Variants in TTLL8 observed in about 807,000 individuals in gnomAD.
TTLL8 encodes tubulin tyrosine ligase like 8.
A neutral mutation model predicts 77.8 loss-of-function variants in TTLL8; 65 were observed. The ratio of observed to expected loss-of-function variants is 0.84; its 90% CI spans 0.68 to 1.03. The LOEUF is 1.03. Among genes scored for constraint, TTLL8 ranks in the 50% least tolerant of loss-of-function variants. TTLL8 has a pLI of 0.00. For synonymous variants in TTLL8, 402 were observed against 422.8 expected (o/e 0.95, Z 0.60); for missense variants, 910 against 1,004.5 (o/e 0.91, Z 1.27).
At position 50,041,881 on chromosome 22, in the gene TTLL8, T is replaced by C; in HGVS notation, c.644-74A>G. 2 of 1,247,126 alleles carry C rather than the reference T, an allele frequency of 1.6e-6. No homozygotes were observed. Among genetic ancestry groups the C allele is most frequent in the East Asian group, 5.6e-5 (1 of 17,954 alleles). The allele number at this position is 1,247,126 out of a possible 1,614,324, so 77.3% of individuals were successfully genotyped here. A position where few individuals can be genotyped will look rare whatever the true frequency, so the allele number is the denominator to read the frequency against. On this transcript the variant is annotated intron_variant, in intron 6 of 13. Coordinates refer to ENST00000266182, the Ensembl canonical transcript of TTLL8. The surrounding 1 kb of genome is among the most constrained non-coding windows in gnomAD (Gnocchi z 4.3). ...GCCCTGCCCGCCTCGAGGGGTGATGTCTAAAGTCATGGACAAAGGCTGCTC... is the reference window on the plus strand; with the variant it reads ...GCCCTGCCCGCCTCGAGGGGTGATGCCTAAAGTCATGGACAAAGGCTGCTC...
At chr22:50,029,618 C>A (rs1326285731) in intron 12 of TTLL8, among the ~76,000 whole-genome samples, 2 of 152,196 alleles carry the variant, frequency 1.3e-5, no homozygotes, top group African/African-American at 2.4e-5. Flanking sequence ...GTGGTCCCAG[C>A]TACTCGGGAG....
At chr22:50,057,365 T>C (rs2061478799), upstream of TTLL8, among the ~76,000 whole-genome samples, 1 of 69,582 alleles carries the variant, frequency 1.4e-5, no homozygotes, top group African/African-American at 8.1e-5. Context: ...GAGTCAGGTC[T>C]GGGTTGGGGG....
At chr22:50,028,650 TCACACCATCCTAAAGACCCCCACACAC>T in intron 12 of TTLL8, among the ~76,000 whole-genome samples, 1 of 45,350 alleles carries the variant, frequency 2.2e-5, no homozygotes, top group African/African-American at 6.5e-5. Context: ...AAAGACCCCA[TCACACCATCCTAAAGACCCCCACACAC>T]ACTCGTAAAG....
At chr22:50,038,147 A>G (rs1323650328) in intron 8 of TTLL8, among the ~76,000 whole-genome samples, 1 of 152,230 alleles carries the variant, frequency 6.6e-6, no homozygotes, top group Non-Finnish European at 1.5e-5. Context: ...TTGTGTTTTT[A>G]GAATTTCGTT....
chr22:50,043,290 G>A (rs2061384601), intron 6 of TTLL8, among the ~76,000 whole-genome samples: 1 of 151,542 alleles, frequency 6.6e-6, no homozygotes, highest in South Asian at 2.1e-4. Flanking sequence ...TGGATAGATA[G>A]ATAAACAGTG....
At chr22:50,025,301 C>T (rs1358414550) in intron 12 of TTLL8, among the ~76,000 whole-genome samples, 1 of 135,002 alleles carries the variant, frequency 7.4e-6, no homozygotes, top group South Asian at 2.3e-4. Flanking sequence ...AAAAAGGCAT[C>T]ACTAAGAAAG....
intron 5 of TTLL8, 108 bp from the exon 8 acceptor site, chr22:50,045,497 T>C (rs8138277): frequency 0.57 from 555,692 of 979,028 alleles, 158,973 homozygotes; most frequent in Non-Finnish European, 0.6. Context: ...CCCGCCCTCA[T>C]AGCCGATGGG....
At chr22:50,026,841 G>A (rs1474340491) in intron 12 of TTLL8, among the ~76,000 whole-genome samples, 2 of 152,162 alleles carry the variant, frequency 1.3e-5, no homozygotes, top group Non-Finnish European at 2.9e-5. Context: ...TGAATGACAT[G>A]CCAGACTTGC....
chr22:50,057,444 G>GGC (rs1569237094), upstream of TTLL8, among the ~76,000 whole-genome samples: 47 of 64,852 alleles, frequency 7.2e-4, no homozygotes, highest in South Asian at 1.4e-3. Context: ...GTCTGGGTTG[G>GGC]GGGTCAGGTC....
intron 12 of TTLL8, among the ~76,000 whole-genome samples, chr22:50,025,629 G>C (rs1003447552): frequency 2.0e-5 from 3 of 152,148 alleles, no homozygotes; most frequent in Non-Finnish European, 4.4e-5. Context: ...AACAGAGTGA[G>C]ACCTTGTCTC....
chr22:50,031,014 G>A (rs2061287316), intron 11 of TTLL8, 89 bp from the exon 13 acceptor site: 20 of 1,150,546 alleles, frequency 1.7e-5, no homozygotes, highest in South Asian at 6.9e-5. Flanking sequence ...GGGGCTGGTC[G>A]GGGCACAGAC....
At chr22:50,045,860 G>C in exon 5 of TTLL8, 1 of 1,348,624 alleles carries the variant, frequency 7.4e-7, no homozygotes, top group Non-Finnish European at 9.8e-7. Context: ...ACTTACCCAG[G>C]AACTCCTGCT....
intron 1 of TTLL8, among the ~76,000 whole-genome samples, chr22:50,051,278 C>G (rs1315088015): frequency 6.6e-6 from 1 of 152,350 alleles, no homozygotes; most frequent in South Asian, 2.1e-4. Flanking sequence ...CTTATGAGAA[C>G]AAGCGATATT....
intron 3 of TTLL8, among the ~76,000 whole-genome samples, chr22:50,048,053 C>T (rs2146690815): frequency 6.6e-6 from 1 of 152,126 alleles, no homozygotes; most frequent in East Asian, 1.9e-4. Context: ...GCCGAGATTG[C>T]ACCATTGTAC....
At chr22:50,045,881 G>T in exon 5 of TTLL8, 1 of 1,357,720 alleles carries the variant, frequency 7.4e-7, no homozygotes, top group Non-Finnish European at 9.8e-7. Context: ...GCTCACTCTC[G>T]GTGCAGAGGC....
intron 4 of TTLL8, among the ~76,000 whole-genome samples, chr22:50,046,885 C>T (rs1289169628): frequency 2.6e-5 from 4 of 152,206 alleles, no homozygotes; most frequent in Non-Finnish European, 5.9e-5. Context: ...ACCCAAAGCC[C>T]GGTGGCAGCC....
chr22:50,033,187 G>A lies in TTLL8; in HGVS notation c.1283+15C>T, dbSNP rs569620278. 1.0e-5 allele frequency: 13 copies of A among 1,304,504 alleles called. No individual in the cohort carries two copies. Among genetic ancestry groups the A allele is most frequent in the Middle Eastern group, 2.1e-4 (1 of 4,680 alleles). The allele number at this position is 1,304,504 out of a possible 1,614,324, so 80.8% of individuals were successfully genotyped here. On this transcript the variant is annotated intron_variant, in intron 10 of 13. Coordinates refer to ENST00000266182, the Ensembl canonical transcript of TTLL8. ...TTCCCTGGCCCGAGGTGTCCAGGTCGCCCACCGCACTGACCTGTCCAGCTT... is the reference window on the plus strand; with the variant it reads ...TTCCCTGGCCCGAGGTGTCCAGGTCACCCACCGCACTGACCTGTCCAGCTT...
chr22:50,043,201 A>G (rs1190478422), intron 6 of TTLL8, among the ~76,000 whole-genome samples: 1 of 152,000 alleles, frequency 6.6e-6, no homozygotes, highest in Non-Finnish European at 1.5e-5. Context: ...ATGGATAGAT[A>G]GATAAACAGT....
At chr22:50,019,591 G>A (rs7288137) in intron 12 of TTLL8, among the ~76,000 whole-genome samples, 30,434 of 152,144 alleles carry the variant, frequency 0.2, 3,253 homozygotes, top group South Asian at 0.39. Flanking sequence ...GAAGGTCCAC[G>A]TGGGAGGGAC....
Sources: gnomAD v4.1 joint callset for allele counts (sites outside exome capture counted in the v4.1 genomes callset) on GRCh38, gnomAD v4.1.1 for gene constraint, Gnocchi (gnomAD v3.1) non-coding constraint, MANE v1.5 for transcripts, NCBI Gene and HGNC (gene_info 2026-07-23, HGNC 2026-07-21) for gene names.